The following ZBTB1 variants were observed in gnomAD, a reference collection of about 807,000 sequenced individuals.
ZBTB1 encodes zinc finger and BTB domain containing 1, also known as zinc finger and BTB domain-containing protein 1.
Under a neutral mutation model 51.6 loss-of-function variants are expected in ZBTB1, and 13 were observed. The observed-to-expected ratio is 0.25, with a 90% CI of 0.16 to 0.40. The LOEUF is 0.40. ZBTB1 is among the 10% of genes least tolerant of loss of function. The probability of loss-of-function intolerance (pLI) is 1.00; values close to 1 mark genes in which losing one functional copy is unlikely to be tolerated. For synonymous variants in ZBTB1, 240 were observed against 282.2 expected, an observed-to-expected ratio of 0.85 and a Z score of 1.50; for missense variants, 567 against 856.5, an observed-to-expected ratio of 0.66 and a Z score of 4.22.
At chr14:64,520,929 G>A (rs727757) in intron 1 of ZBTB1, among the ~76,000 whole-genome samples, 13,435 of 151,076 alleles carry the variant, frequency 0.089, 651 homozygotes, top group Middle Eastern at 0.12. Flanking sequence ...GTGGCGTGAC[G>A]CAACTCACTA....
At chr14:64,528,794 A>G (rs1383261813), downstream of ZBTB1, among the ~76,000 whole-genome samples, 1 of 152,228 alleles carries the variant, frequency 6.6e-6, no homozygotes, top group African/African-American at 2.4e-5. Context: ...TGAGGTAAGT[A>G]TCATACTAAT....
intron 1 of ZBTB1, chr14:64,511,190 G>A (rs1033913616): frequency 2.6e-5 from 4 of 152,220 alleles, no homozygotes; most frequent in Admixed American, 1.3e-4. Context: ...AATGCCATGT[G>A]CAATAAGGGA....
In ZBTB1 at chr14:64,523,120, G is replaced by T; in HGVS notation, c.1616G>T (p.Cys539Phe). Residue 539 changes from cysteine (C) to phenylalanine (F), a missense_variant, in exon 2 of 2, where the codon TGT (cysteine) becomes TTT (phenylalanine). This residue lies in a region of ZBTB1 where 329 missense variants were observed against 406.3 expected (regional missense o/e 0.81). Coordinates refer to ENST00000683701, the MANE Select transcript of ZBTB1 (RefSeq NM_001123329.2). This position sits in a 1 kb window ranked among gnomAD's most constrained non-coding sequence, Gnocchi z 4.5. ...HSACPFRCPN[C>F]GQRFETENLV... The stretch of plus-strand genomic sequence containing the variant: ...GCCTGCCCTTTTCGATGTCCTAATT[G>T]TGGCCAGCGTTTTGAAACTGAAAAT... 1 of 1,614,182 alleles carries T rather than the reference G, an allele frequency of 6.2e-7. No homozygotes were observed. Among genetic ancestry groups the T allele is most frequent in the Non-Finnish European group, 8.5e-7 (1 of 1,180,014 alleles).
At chr14:64,503,807 C>T (rs553445084), upstream of ZBTB1, 290 of 161,768 alleles carry the variant, frequency 1.8e-3, 1 homozygote, top group Non-Finnish European at 3.2e-3. Context: ...GATGGCCCCA[C>T]GTGACCGCGT....
rs1441366321 is a variant in ZBTB1 at position 64,522,374 on chromosome 14, G to C, written c.870G>C (p.Gln290His). The stretch of plus-strand genomic sequence containing the variant: ...ACAAATACAGAGGAGACACAAGCCA[G>C]GCTGCTGATGATTCAGCTTCAACCA... ...QTDKYRGDTS[Q>H]AADDSASTTG... The change falls in exon 2 of 2, where the codon CAG becomes CAC. Residue 290 changes from glutamine (Q) to histidine (H), a missense_variant. This residue lies in a region of ZBTB1 where 329 missense variants were observed against 406.3 expected (regional missense o/e 0.81). Transcript: ENST00000683701. 6.2e-7 allele frequency: 1 copy of C among 1,614,026 alleles called. No individual in the cohort carries two copies.
rs1200714103 is a variant in ZBTB1, at chr14:64,522,659, GA to G, written c.1159del (p.Thr387LeufsTer2). On this transcript the variant is annotated frameshift_variant, in exon 2 of 2. Coordinates refer to ENST00000683701, the MANE Select transcript of ZBTB1 (RefSeq NM_001123329.2). LOFTEE classifies it high-confidence loss of function. ...EDVSIKKSGR[K>X]TLKPRMSVSA... is the part of the protein sequence containing the mutation. Reference sequence around the variant, plus strand: ...ATGTCAGCATAAAAAAAAGTGGTAGGAAAACTCTAAAACCTCGAATGTCAGT... The same window carrying G: ...ATGTCAGCATAAAAAAAAGTGGTAGGAAACTCTAAAACCTCGAATGTCAGT... 6.2e-7 allele frequency: 1 copy of G among 1,614,000 alleles called. No homozygotes were observed. Among genetic ancestry groups the G allele is most frequent in the Non-Finnish European group, 8.5e-7 (1 of 1,180,014 alleles).
chr14:64,513,962 A>G (rs1363796427), intron 1 of ZBTB1, among the ~76,000 whole-genome samples: 1 of 152,158 alleles, frequency 6.6e-6, no homozygotes, highest in Non-Finnish European at 1.5e-5. Flanking sequence ...ACCGGCCTCA[A>G]TATAGTTTAT....
At chr14:64,516,264 A>T (rs1426391832) in intron 1 of ZBTB1, among the ~76,000 whole-genome samples, 1 of 152,192 alleles carries the variant, frequency 6.6e-6, no homozygotes, top group Non-Finnish European at 1.5e-5. Flanking sequence ...TCAAAAAAAT[A>T]ATAATTAAAA....
chr14:64,518,632 A>G (rs1434957745), intron 1 of ZBTB1: 1 of 152,158 alleles, frequency 6.6e-6, no homozygotes, highest in Non-Finnish European at 1.5e-5. Flanking sequence ...TTATTTCTCT[A>G]AACAGCTTGT....
intron 1 of ZBTB1, among the ~76,000 whole-genome samples, chr14:64,507,419 G>C (rs2079677252): frequency 6.6e-6 from 1 of 152,174 alleles, no homozygotes; most frequent in African/African-American, 2.4e-5. Flanking sequence ...AATTCAGCCT[G>C]TATTGAAGTA....
At chr14:64,517,781 A>ATATATCTTTTTTTT (rs1160337478) in intron 1 of ZBTB1, among the ~76,000 whole-genome samples, 1 of 41,550 alleles carries the variant, frequency 2.4e-5, no homozygotes, top group Non-Finnish European at 4.6e-5. Flanking sequence ...ATATATATAT[A>ATATATCTTTTTTTT]TTTTTTTTTT....
intron 1 of ZBTB1, among the ~76,000 whole-genome samples, chr14:64,509,880 G>A (rs2079706180): frequency 6.6e-6 from 1 of 152,012 alleles, no homozygotes; most frequent in African/African-American, 2.4e-5. Flanking sequence ...TGGAGGCTGA[G>A]GCAGGAGAAT....
intron 1 of ZBTB1, among the ~76,000 whole-genome samples, chr14:64,513,054 T>C (rs2079741617): frequency 6.6e-6 from 1 of 152,130 alleles, no homozygotes; most frequent in Non-Finnish European, 1.5e-5. Flanking sequence ...AGCATCTACT[T>C]TGTAGGGTTT....
chr14:64,517,781 ATTTT>A lies in ZBTB1; in HGVS notation c.-18-3687_-18-3684del, dbSNP rs10590459. 3.8e-3 allele frequency among the ~76,000 whole-genome samples: 159 copies of A among 41,490 alleles called. 1 individual carries two copies. Among genetic ancestry groups the A allele is most frequent in the South Asian group, 0.025 (31 of 1,250 alleles). 27.2% of individuals were successfully genotyped at this position (41,490 alleles called of 152,430 possible). A position where few individuals can be genotyped will look rare whatever the true frequency, so the allele number is the denominator to read the frequency against. On this transcript the variant is annotated intron_variant, in intron 1 of 1. Transcript: ENST00000683701. Reference sequence around the variant, plus strand: ...AATATATATATATATATATATATATATTTTTTTTTTTTTTTTTTTTTTGAGACAG... The same window carrying A: ...AATATATATATATATATATATATATATTTTTTTTTTTTTTTTTTGAGACAG...
Position 64,523,560 on chromosome 14 carries a change from T to C in ZBTB1, c.2056T>C (p.Tyr686His). Residue 686 changes from tyrosine to histidine, a missense_variant, in exon 2 of 2, where the codon TAT becomes CAT. Physicochemically the swap from Tyr to His is moderately conservative, Grantham distance 83. Coordinates refer to ENST00000683701, the MANE Select transcript of ZBTB1 (RefSeq NM_001123329.2). This position sits in a 1 kb window ranked among gnomAD's most constrained non-coding sequence, Gnocchi z 4.5. ...GGAGCAGCACATGGATGTTCATCTG[T>C]ATACATGTGGAATATGTGGAGCAAA... is the stretch of plus-strand genomic sequence containing the variant. ...QLEQHMDVHL[Y>H]TCGICGAKFN... 1 of 1,563,554 alleles carries C rather than the reference T, an allele frequency of 6.4e-7. No homozygotes were observed. Among genetic ancestry groups the C allele is most frequent in the South Asian group, 1.2e-5 (1 of 85,926 alleles).
intron 1 of ZBTB1, among the ~76,000 whole-genome samples, chr14:64,515,585 G>A (rs897520957): frequency 6.7e-6 from 1 of 149,272 alleles, no homozygotes; most frequent in Non-Finnish European, 1.5e-5. Context: ...CAGTGGCACA[G>A]TCTTGGCTCA....
intron 1 of ZBTB1, chr14:64,516,683 CAAAT>C (rs1359360439): frequency 2.6e-5 from 4 of 152,198 alleles, no homozygotes; most frequent in Admixed American, 1.3e-4. Flanking sequence ...AAAAATTCCT[CAAAT>C]GAATACAGAA....
At chr14:64,509,558 T>A (rs1330579347) in intron 1 of ZBTB1, among the ~76,000 whole-genome samples, 1 of 152,204 alleles carries the variant, frequency 6.6e-6, no homozygotes, top group African/African-American at 2.4e-5. Flanking sequence ...TATGATTTTT[T>A]AAAATTGGTT....
At chr14:64,529,344 A>G (rs1194324624), downstream of ZBTB1, among the ~76,000 whole-genome samples, 1 of 152,064 alleles carries the variant, frequency 6.6e-6, no homozygotes, top group African/African-American at 2.4e-5. Context: ...GCCAATCTCC[A>G]TTTCCTTTTA....
Sources: gnomAD v4.1 joint callset for allele counts (sites outside exome capture counted in the v4.1 genomes callset) on GRCh38, gnomAD v4.1.1 for gene constraint, gnomAD v4.1.1 regional missense constraint, Gnocchi (gnomAD v3.1) non-coding constraint, MANE v1.5 for transcripts, NCBI Gene and HGNC (gene_info 2026-07-23, HGNC 2026-07-21) for gene names.